The following CTNNA2 variants were observed in gnomAD, a reference collection of about 807,000 sequenced individuals.
CTNNA2 encodes the protein catenin alpha 2.
CTNNA2 carries 42 observed loss-of-function variants against 101.0 expected under a neutral mutation model. That is an observed-to-expected ratio of 0.42 (90% CI 0.32 to 0.54). CTNNA2 has a LOEUF of 0.54. Ranked by LOEUF, CTNNA2 falls within the 20% of genes least tolerant of loss-of-function variation. CTNNA2 has a pLI of 0.14. For synonymous variants in CTNNA2, 450 were observed against 456.4 expected (o/e 0.99, Z 0.18); for missense variants, 871 against 1,223.1 (o/e 0.71, Z 4.29).
At chr2:79,667,890 G>T (rs951394355) in intron 2 of CTNNA2, among the ~76,000 whole-genome samples, 1 of 152,164 alleles carries the variant, frequency 6.6e-6, no homozygotes, top group African/African-American at 2.4e-5. Flanking sequence ...ATGGTTTGTA[G>T]TATTTTAATT....
At chr2:80,632,564 A>C (rs1045279662) in intron 18 of CTNNA2, among the ~76,000 whole-genome samples, 3 of 152,178 alleles carry the variant, frequency 2.0e-5, no homozygotes, top group Non-Finnish European at 2.9e-5. Context: ...CTGGAAAAAA[A>C]TAAGATCGTA....
intron 8 of CTNNA2, among the ~76,000 whole-genome samples, chr2:80,412,543 A>G (rs1441755910): frequency 6.6e-6 from 1 of 152,190 alleles, no homozygotes; most frequent in Non-Finnish European, 1.5e-5. Flanking sequence ...TATTTTCAAG[A>G]TGTCTCTACC....
At chr2:79,809,128 T>C (rs141571914) in intron 3 of CTNNA2, among the ~76,000 whole-genome samples, 20 of 152,358 alleles carry the variant, frequency 1.3e-4, no homozygotes, top group African/African-American at 4.8e-4. Context: ...CTCATCCTTT[T>C]ATATGGCTGC....
chr2:80,011,536 A>G (rs1553429213), intron 7 of CTNNA2, among the ~76,000 whole-genome samples: 4 of 152,186 alleles, frequency 2.6e-5, no homozygotes, highest in Non-Finnish European at 5.9e-5. Context: ...CAAAAAAAGA[A>G]CATCAACATT....
At chr2:79,986,939 C>T (rs1011799510) in intron 7 of CTNNA2, among the ~76,000 whole-genome samples, 2 of 152,132 alleles carry the variant, frequency 1.3e-5, no homozygotes, top group African/African-American at 4.8e-5. Context: ...TTACAAAGAT[C>T]AGTGAACATA....
intron 2 of CTNNA2, among the ~76,000 whole-genome samples, chr2:79,243,593 C>T (rs1368962): frequency 0.64 from 96,633 of 152,080 alleles, 32,319 homozygotes; most frequent in East Asian, 0.85. Flanking sequence ...AACACAAATA[C>T]GTTTCCTGAA....
At chr2:79,354,794 T>C (rs1221853935) in intron 3 of CTNNA2, among the ~76,000 whole-genome samples, 1 of 152,170 alleles carries the variant, frequency 6.6e-6, no homozygotes, top group Non-Finnish European at 1.5e-5. Flanking sequence ...TGTTCAGAGC[T>C]AGGAATGAGT....
intron 7 of CTNNA2, among the ~76,000 whole-genome samples, chr2:80,003,567 G>A (rs1268956910): frequency 6.6e-6 from 1 of 151,958 alleles, no homozygotes; most frequent in East Asian, 1.9e-4. Context: ...GAAGCCATGA[G>A]TTTTTTTTCA....
Position 79,313,985 on chromosome 2 carries a change from GACA to G in CTNNA2, c.-318+1194_-318+1196del, listed in dbSNP as rs553769151. On this transcript the variant is annotated intron_variant, in intron 3 of 21. Transcript: ENST00000466387. Reference sequence around the variant, plus strand: ...CACATGGGGACTGAGAGGTCCTGATGACAACAAGGCCTTCCTAGGTGTGCTCTT... The same window carrying G: ...CACATGGGGACTGAGAGGTCCTGATGACAAGGCCTTCCTAGGTGTGCTCTT... Among the ~76,000 whole-genome samples, 11 of 152,246 alleles carry G rather than the reference GACA, an allele frequency of 7.2e-5. No individual in the cohort carries two copies. In the South Asian group the frequency reaches 2.3e-3, roughly 32 times the overall value.
intron 9 of CTNNA2, among the ~76,000 whole-genome samples, chr2:80,480,851 A>G (rs1219233453): frequency 6.6e-6 from 1 of 152,122 alleles, no homozygotes; most frequent in East Asian, 1.9e-4. Context: ...TTATACCTAG[A>G]GAAATAAATG....
intron 1 of CTNNA2, among the ~76,000 whole-genome samples, chr2:79,608,068 G>A (rs1678017603): frequency 1.3e-5 from 2 of 151,934 alleles, no homozygotes; most frequent in South Asian, 4.1e-4. Context: ...TTAGCAGCAG[G>A]AGGCATGAGA....
intron 3 of CTNNA2, among the ~76,000 whole-genome samples, chr2:79,779,538 T>C (rs1674263833): frequency 2.0e-5 from 3 of 152,190 alleles, no homozygotes; most frequent in Admixed American, 2.0e-4. Flanking sequence ...CTCTGTGCTT[T>C]TTACTTTTTT....
chr2:79,961,448 C>T (rs1184631031), intron 7 of CTNNA2, among the ~76,000 whole-genome samples: 4 of 152,054 alleles, frequency 2.6e-5, no homozygotes, highest in African/African-American at 9.7e-5. Flanking sequence ...GAAACCTACC[C>T]AGCAAAGTGA....
chr2:79,779,485 C>T (rs889604250), intron 3 of CTNNA2, among the ~76,000 whole-genome samples: 4 of 152,184 alleles, frequency 2.6e-5, no homozygotes, highest in African/African-American at 9.6e-5. Flanking sequence ...GGACACATGT[C>T]ATTCTTTCTT....
intron 2 of CTNNA2, among the ~76,000 whole-genome samples, chr2:79,288,322 A>T (rs1267087939): frequency 2.0e-5 from 3 of 152,224 alleles, no homozygotes; most frequent in Non-Finnish European, 4.4e-5. Flanking sequence ...TGTTTGAGTT[A>T]TCCATCTCTG....
At chr2:79,756,800 C>T (rs1364544269) in intron 3 of CTNNA2, among the ~76,000 whole-genome samples, 1 of 152,114 alleles carries the variant, frequency 6.6e-6, no homozygotes, top group Non-Finnish European at 1.5e-5. Context: ...ATGCAGATGG[C>T]AAATAAGCAT....
At chr2:79,808,576 C>T (rs192342548) in intron 3 of CTNNA2, among the ~76,000 whole-genome samples, 25 of 152,124 alleles carry the variant, frequency 1.6e-4, no homozygotes, top group East Asian at 3.9e-4. Flanking sequence ...TTATAAAGTC[C>T]GGTTTGTCAA....
intron 1 of CTNNA2, among the ~76,000 whole-genome samples, chr2:79,518,385 G>A (rs969318595): frequency 1.3e-5 from 2 of 152,180 alleles, no homozygotes; most frequent in Non-Finnish European, 2.9e-5. Context: ...GTTGTATATG[G>A]TCTCAAGGGC....
chr2:79,542,951 A>G (rs1673510103), intron 1 of CTNNA2, among the ~76,000 whole-genome samples: 1 of 152,174 alleles, frequency 6.6e-6, no homozygotes, highest in African/African-American at 2.4e-5. Context: ...AGTTTAATAA[A>G]TTTAATAGTT....
Sources: gnomAD v4.1 joint callset for allele counts (sites outside exome capture counted in the v4.1 genomes callset) on GRCh38, gnomAD v4.1.1 for gene constraint, MANE v1.5 for transcripts, NCBI Gene and HGNC (gene_info 2026-07-23, HGNC 2026-07-21) for gene names.